ITGAM: variants seen among roughly 807,000 people sequenced by gnomAD.
ITGAM encodes the protein integrin alpha-M.
A neutral mutation model predicts 137.5 loss-of-function variants in ITGAM; 79 were observed. The ratio of observed to expected loss-of-function variants is 0.57; its 90% CI spans 0.48 to 0.69. The LOEUF (loss-of-function observed/expected upper bound fraction) is 0.69. ITGAM is among the 30% of genes least tolerant of loss of function. The pLI, the probability that ITGAM is intolerant of heterozygous loss-of-function variation, is 0.00. For missense variants in ITGAM, 1,343 were observed against 1,483.5 expected (o/e 0.91, Z 1.56); for synonymous variants, 583 against 592.3 (o/e 0.98, Z 0.23).
chr16:31,272,010 C>A lies in ITGAM; in HGVS notation c.704+18C>A. The A allele has an allele frequency of 6.2e-7, 1 of 1,613,882 alleles. No homozygotes were observed. Among genetic ancestry groups the A allele is most frequent in the Non-Finnish European group, 8.5e-7 (1 of 1,179,852 alleles). On this transcript the variant is annotated intron_variant, in intron 7 of 29. Transcript: ENST00000544665. The stretch of plus-strand genomic sequence containing the variant: ...AAAGTGGTGTAAGCTTCCCCTTTTC[C>A]CTTAGGATGGAGGGAGGAGGAGACA...
chr16:31,294,366 G>T lies in ITGAM; in HGVS notation c.1357-3148G>T, dbSNP rs536435798. Among the ~76,000 whole-genome samples, 3 of 152,184 alleles carry T rather than the reference G, an allele frequency of 2.0e-5. No individual in the cohort carries two copies. The East Asian group carries it at 5.8e-4, about 29-fold the overall frequency. ...CCCATCAAGTATGATGTTGGCTGTG[G>T]GTTTGTTGTAGATGGCTCTTATTAT... On this transcript the variant is annotated intron_variant, in intron 12 of 29. Coordinates refer to ENST00000544665, the MANE Select transcript of ITGAM (RefSeq NM_000632.4).
At chr16:31,323,058 AAATAGGAAAGATGG>A (rs2077553744) in intron 16 of ITGAM, among the ~76,000 whole-genome samples, 1 of 152,068 alleles carries the variant, frequency 6.6e-6, no homozygotes, top group Non-Finnish European at 1.5e-5. Context: ...GAGAGAAAGA[AAATAGGAAAGATGG>A]AATAGGAAAG....
chr16:31,282,731 A>G (rs573703534), intron 12 of ITGAM, among the ~76,000 whole-genome samples: 1 of 152,160 alleles, frequency 6.6e-6, no homozygotes, highest in Admixed American at 6.5e-5. Context: ...TAAGGTTAGT[A>G]TTGTTATGTG....
chr16:31,330,522 CTGATCG>C lies in ITGAM; in HGVS notation c.3197_3202del (p.Ile1066_Val1067del). On this transcript the variant is annotated inframe_deletion, in exon 28 of 30. Coordinates refer to ENST00000544665, the MANE Select transcript of ITGAM (RefSeq NM_000632.4). The stretch of plus-strand genomic sequence containing the variant: ...TCCACAGACCTCGCATAACCACCTC[CTGATCG>C]TGAGCACAGCTGAGATCTTGTTTAA... The C allele has an allele frequency of 6.2e-7, 1 of 1,613,788 alleles. No homozygotes were observed. The highest frequency in any genetic ancestry group is 8.5e-7 in the Non-Finnish European group (1 of 1,179,702).
intron 14 of ITGAM, among the ~76,000 whole-genome samples, chr16:31,300,766 C>T (rs1051108834): frequency 5.3e-5 from 8 of 152,066 alleles, no homozygotes; most frequent in African/African-American, 1.9e-4. Context: ...CAAAAATTAG[C>T]CGGGCTGTGG....
chr16:31,297,967 C>T lies in ITGAM; in HGVS notation c.1707+13C>T, dbSNP rs1490570538. 1 of 1,598,954 alleles carries T rather than the reference C, an allele frequency of 6.3e-7. No individual in the cohort carries two copies. The highest frequency in any genetic ancestry group is 2.2e-5 in the East Asian group (1 of 44,772). On this transcript the variant is annotated intron_variant, in intron 14 of 29. Coordinates refer to ENST00000544665, the MANE Select transcript of ITGAM (RefSeq NM_000632.4). ...CTCCCATAGCCAGGTGAGACCTGGT[C>T]ACTGTCCTTGTCATGACAGTAGCCT...
chr16:31,324,639 GCTAT>G lies in ITGAM; in HGVS notation c.2158-9_2158-6del. On this transcript the variant is annotated splice_polypyrimidine_tract_variant and splice_region_variant and intron_variant, in intron 17 of 29. Coordinates refer to ENST00000544665, the MANE Select transcript of ITGAM (RefSeq NM_000632.4). The surrounding 1 kb of genome is among the most constrained non-coding windows in gnomAD (Gnocchi z 4.5). ...GAGGAGGGCAGATCCCCAAATCCCG[GCTAT>G]CTCTTAGAATTGCATCGAGGACCCA... The G allele has an allele frequency of 6.2e-7, 1 of 1,605,596 alleles. No individual in the cohort carries two copies. Among genetic ancestry groups the G allele is most frequent in the Non-Finnish European group, 8.5e-7 (1 of 1,174,964 alleles).
At chr16:31,294,579 A>C (rs2144369871) in intron 12 of ITGAM, among the ~76,000 whole-genome samples, 1 of 152,272 alleles carries the variant, frequency 6.6e-6, no homozygotes, top group Non-Finnish European at 1.5e-5. Context: ...CCGGGAATGA[A>C]GCCTACCTGA....
intron 10 of ITGAM, 42 bp from the exon 11 acceptor site, chr16:31,276,878 C>T: frequency 6.3e-7 from 1 of 1,597,622 alleles, no homozygotes; most frequent in Non-Finnish European, 8.5e-7. Flanking sequence ...AGCGGTTGTC[C>T]CTTCTTCCTT....
intron 15 of ITGAM, 24 bp downstream of exon 15, chr16:31,321,395 C>T: frequency 6.2e-7 from 1 of 1,613,828 alleles, no homozygotes; most frequent in Non-Finnish European, 8.5e-7. Flanking sequence ...TTGGAGTCAA[C>T]CGGACATTCT....
chr16:31,287,853 A>T (rs1053455980), intron 12 of ITGAM, among the ~76,000 whole-genome samples: 2 of 152,140 alleles, frequency 1.3e-5, no homozygotes, highest in African/African-American at 2.4e-5. Flanking sequence ...TAGAGGAATT[A>T]CGGGAAGTCA....
chr16:31,324,340 C>G lies in ITGAM; in HGVS notation c.2003-59C>G. 1.4e-6 allele frequency: 2 copies of G among 1,469,372 alleles called. No homozygotes were observed. Among genetic ancestry groups the G allele is most frequent in the Non-Finnish European group, 1.9e-6 (2 of 1,074,944 alleles). 91.0% of individuals were successfully genotyped at this position (1,469,372 alleles called of 1,614,324 possible). The stretch of plus-strand genomic sequence containing the variant: ...AAGCAGAGGAGCTGGGCCTTGAACT[C>G]CCATCTGCCGGGTTCCGAGGCTCAG... On this transcript the variant is annotated intron_variant, in intron 16 of 29. Coordinates refer to ENST00000544665, the MANE Select transcript of ITGAM (RefSeq NM_000632.4). The surrounding 1 kb of genome is among the most constrained non-coding windows in gnomAD (Gnocchi z 4.5).
chr16:31,312,220 G>A (rs1302859194), intron 14 of ITGAM, among the ~76,000 whole-genome samples: 2 of 151,602 alleles, frequency 1.3e-5, no homozygotes, highest in East Asian at 1.9e-4. Context: ...CACCAACATG[G>A]CACATGTATA....
chr16:31,276,922 T>C lies in ITGAM; in HGVS notation c.1086T>C (p.Asn362=), dbSNP rs1209096130. ...QEGFSAAITS[N]GPLLSTVGSY... ...ACCCTGTTCTACACCTTTCCCAGAA[T>C]GGCCCCTTGCTGAGCACTGTGGGGA... is the stretch of plus-strand genomic sequence containing the variant. Residue 362 remains asparagine (N), a splice_region_variant and synonymous_variant, in exon 11 of 30, where the codon AAT becomes AAC. Coordinates refer to ENST00000544665, the MANE Select transcript of ITGAM (RefSeq NM_000632.4). 6.2e-7 allele frequency: 1 copy of C among 1,611,456 alleles called. No homozygotes were observed. Among genetic ancestry groups the C allele is most frequent in the Non-Finnish European group, 8.5e-7 (1 of 1,178,798 alleles).
At chr16:31,283,754 C>T (rs998603255) in intron 12 of ITGAM, among the ~76,000 whole-genome samples, 9 of 152,338 alleles carry the variant, frequency 5.9e-5, no homozygotes, top group East Asian at 5.8e-4. Flanking sequence ...CGTCCAGCTT[C>T]GTTCCATTGC....
At chr16:31,325,056 C>T (rs1396008581) in intron 19 of ITGAM, 25 bp downstream of exon 19, 1 of 1,593,668 alleles carries the variant, frequency 6.3e-7, no homozygotes, top group Admixed American at 1.7e-5. Flanking sequence ...CTCCTCACCT[C>T]CTCCAGAGAA....
At chr16:31,307,002 A>G (rs1262500176) in intron 14 of ITGAM, among the ~76,000 whole-genome samples, 1 of 152,162 alleles carries the variant, frequency 6.6e-6, no homozygotes, top group Non-Finnish European at 1.5e-5. Flanking sequence ...GTTGTGTCAC[A>G]AAAGAAAAAA....
chr16:31,302,217 GT>G (rs2080203772), intron 14 of ITGAM, among the ~76,000 whole-genome samples: 1 of 152,254 alleles, frequency 6.6e-6, no homozygotes, highest in African/African-American at 2.4e-5. Context: ...AGGCTCATCT[GT>G]TGTGCAATAG....
intron 12 of ITGAM, among the ~76,000 whole-genome samples, chr16:31,292,342 G>A (rs2080094840): frequency 6.6e-6 from 1 of 151,864 alleles, no homozygotes; most frequent in Non-Finnish European, 1.5e-5. Context: ...GGAGTTTGTT[G>A]TACAGAGTAT....
Sources: gnomAD v4.1 joint callset for allele counts (sites outside exome capture counted in the v4.1 genomes callset) on GRCh38, gnomAD v4.1.1 for gene constraint, Gnocchi (gnomAD v3.1) non-coding constraint, MANE v1.5 for transcripts, NCBI Gene and HGNC (gene_info 2026-07-23, HGNC 2026-07-21) for gene names.